The following TCF4 variants were observed in gnomAD, a reference collection of about 807,000 sequenced individuals.
TCF4 encodes SL3-3 enhancer factor 2.
TCF4 carries 3 observed loss-of-function variants against 82.1 expected under a neutral mutation model. The ratio of observed to expected loss-of-function variants is 0.04; its 90% CI spans 0.02 to 0.09. TCF4 has a LOEUF of 0.09. Ranked by LOEUF, TCF4 falls within the 10% of genes least tolerant of loss-of-function variation. TCF4 has a pLI of 1.00. For synonymous variants in TCF4, 276 were observed against 309.6 expected (o/e 0.89, Z 1.14); for missense variants, 518 against 852.7 (o/e 0.61, Z 4.89).
intron 8 of TCF4, among the ~76,000 whole-genome samples, chr18:55,306,814 C>T (rs1466383230): frequency 6.6e-6 from 1 of 152,190 alleles, no homozygotes; most frequent in East Asian, 1.9e-4. Context: ...ATCATACCAG[C>T]CACAGTTTTA....
At chr18:55,588,463 C>G (rs1266342161), upstream of TCF4, 1 of 1,534,862 alleles carries the variant, frequency 6.5e-7, no homozygotes, top group African/African-American at 1.4e-5. Flanking sequence ...GAAAATTCAT[C>G]GAGCACCTCA....
At chr18:55,270,578 A>G (rs1030169077) in intron 10 of TCF4, among the ~76,000 whole-genome samples, 2 of 152,152 alleles carry the variant, frequency 1.3e-5, no homozygotes, top group African/African-American at 4.8e-5. Flanking sequence ...TTAGGACCAC[A>G]TGACTTATTT....
At chr18:55,349,954 C>T (rs994181009) in intron 8 of TCF4, among the ~76,000 whole-genome samples, 13 of 152,062 alleles carry the variant, frequency 8.5e-5, no homozygotes, top group African/African-American at 3.1e-4. Context: ...GGGCTGAAAC[C>T]CATGTAAATT....
chr18:55,349,393 A>G (rs1365307508), intron 8 of TCF4, among the ~76,000 whole-genome samples: 3 of 152,170 alleles, frequency 2.0e-5, no homozygotes, highest in African/African-American at 7.2e-5. Context: ...TAAAAATGAA[A>G]TGAAACTAAT....
chr18:55,563,335 A>G (rs1032224184), intron 3 of TCF4, among the ~76,000 whole-genome samples: 1 of 152,132 alleles, frequency 6.6e-6, no homozygotes, highest in African/African-American at 2.4e-5. Context: ...AACTTCACAG[A>G]GAGTCCACTT....
At chr18:55,345,452 A>G (rs1026114209) in intron 8 of TCF4, among the ~76,000 whole-genome samples, 2 of 152,162 alleles carry the variant, frequency 1.3e-5, no homozygotes, top group Non-Finnish European at 2.9e-5. Flanking sequence ...TTGTGTGAAT[A>G]GTTTTGTCCT....
chr18:55,235,452 C>T (rs59231191), intron 15 of TCF4, among the ~76,000 whole-genome samples: 17,245 of 152,056 alleles, frequency 0.11, 1,126 homozygotes, highest in African/African-American at 0.15. Flanking sequence ...ACTATTCTGA[C>T]CCTAGAAAGA....
At chr18:55,503,455 G>A (rs2096721630) in intron 3 of TCF4, among the ~76,000 whole-genome samples, 1 of 152,080 alleles carries the variant, frequency 6.6e-6, no homozygotes, top group Admixed American at 6.6e-5. Flanking sequence ...AACCTAAGAG[G>A]AAGGCCAAAC....
At chr18:55,431,908 T>C (rs1391613721) in intron 5 of TCF4, among the ~76,000 whole-genome samples, 1 of 152,094 alleles carries the variant, frequency 6.6e-6, no homozygotes, top group African/African-American at 2.4e-5. Flanking sequence ...CAAGAGGACA[T>C]AGGGAGCTAC....
At chr18:55,283,064 T>C (rs983238021) in intron 8 of TCF4, among the ~76,000 whole-genome samples, 1 of 152,136 alleles carries the variant, frequency 6.6e-6, no homozygotes, top group African/African-American at 2.4e-5. Flanking sequence ...TTATCTCTTC[T>C]CTTCTAATTC....
intron 3 of TCF4, among the ~76,000 whole-genome samples, chr18:55,467,246 A>C (rs1035956858): frequency 3.9e-5 from 6 of 152,182 alleles, no homozygotes; most frequent in African/African-American, 1.4e-4. Flanking sequence ...TAAACATGTT[A>C]CTTTGAAGTC....
chr18:55,317,917 AT>A (rs2074544060), intron 8 of TCF4, among the ~76,000 whole-genome samples: 1 of 152,158 alleles, frequency 6.6e-6, no homozygotes, highest in Non-Finnish European at 1.5e-5. Context: ...GAATATAAAC[AT>A]AAAAAGCTCA....
At chr18:55,411,164 C>T (rs2094329454) in intron 5 of TCF4, among the ~76,000 whole-genome samples, 1 of 152,114 alleles carries the variant, frequency 6.6e-6, no homozygotes, top group Non-Finnish European at 1.5e-5. Flanking sequence ...CACTAAAGTA[C>T]CACTTGAACC....
chr18:55,430,251 C>G (rs1437479851), intron 5 of TCF4, among the ~76,000 whole-genome samples: 1 of 152,112 alleles, frequency 6.6e-6, no homozygotes, highest in Non-Finnish European at 1.5e-5. Flanking sequence ...TTTCTCCCTT[C>G]CAGTACTTGC....
chr18:55,391,564 G>A (rs1264731322), intron 6 of TCF4, among the ~76,000 whole-genome samples: 2 of 151,998 alleles, frequency 1.3e-5, no homozygotes, highest in Non-Finnish European at 2.9e-5. Flanking sequence ...AGTGAGCAGA[G>A]TCTCCTGGGC....
chr18:55,425,658 A>G (rs2094948507), intron 5 of TCF4, among the ~76,000 whole-genome samples: 1 of 152,252 alleles, frequency 6.6e-6, no homozygotes, highest in Non-Finnish European at 1.5e-5. Context: ...CAAGCTCAAT[A>G]GAAATTGCAG....
chr18:55,625,203 A>G (rs2097725325), intron 2 of TCF4, among the ~76,000 whole-genome samples: 2 of 152,092 alleles, frequency 1.3e-5, no homozygotes, highest in Admixed American at 1.3e-4. Flanking sequence ...ACAAATGTTA[A>G]TCTTTATTAA....
intron 5 of TCF4, among the ~76,000 whole-genome samples, chr18:55,431,411 C>G (rs2095189232): frequency 6.6e-6 from 1 of 152,302 alleles, no homozygotes; most frequent in African/African-American, 2.4e-5. Flanking sequence ...TCCCGAGTAG[C>G]TGGGATTACA....
At chr18:55,340,648 TA>T (rs2079739344) in intron 8 of TCF4, among the ~76,000 whole-genome samples, 3 of 151,192 alleles carry the variant, frequency 2.0e-5, no homozygotes, top group African/African-American at 7.3e-5. Context: ...CTCTGTTAGG[TA>T]AAATTCTTTT....
Sources: gnomAD v4.1 joint callset for allele counts (sites outside exome capture counted in the v4.1 genomes callset) on GRCh38, gnomAD v4.1.1 for gene constraint, MANE v1.5 for transcripts, NCBI Gene and HGNC (gene_info 2026-07-23, HGNC 2026-07-21) for gene names.